Variants in PRLHR observed in about 807,000 individuals in gnomAD.
The protein encoded by PRLHR is prolactin-releasing peptide receptor.
PRLHR carries 10 observed loss-of-function variants against 9.3 expected under a neutral mutation model. That is an observed-to-expected ratio of 1.08 (90% CI 0.66 to 1.82). The LOEUF is 1.82. PRLHR is among the 40% of genes most tolerant of loss of function. PRLHR has a pLI of 0.00. For synonymous variants in PRLHR, 261 were observed against 249.3 expected (o/e 1.05, Z -0.44); for missense variants, 589 against 512.0 (o/e 1.15, Z -1.45).
chr10:118,594,287 A>G lies in PRLHR; in HGVS notation c.958T>C (p.Cys320Arg). The change falls in exon 2 of 2, where the codon TGC (cysteine) becomes CGC (arginine). Residue 320 changes from cysteine (C) to arginine (R), a missense_variant. By Grantham distance (180) the Cys-to-Arg change is radical. Coordinates refer to ENST00000239032, the MANE Select transcript of PRLHR (RefSeq NM_004248.3). ...PYAFGLVQLL[C>R]HWLAMSSACY... ...GCCGAACTCATGGCGAGCCAGTGGCAGAGCAGCTGCACCAGCCCAAAGGCG... is the reference window on the plus strand; with the variant it reads ...GCCGAACTCATGGCGAGCCAGTGGCGGAGCAGCTGCACCAGCCCAAAGGCG... 6.2e-7 allele frequency: 1 copy of G among 1,604,458 alleles called. No individual in the cohort carries two copies.
In PRLHR at chr10:118,594,045, T is replaced by C; in HGVS notation, c.*87A>G. Reference sequence around the variant, plus strand: ...ATGTTGGCTTAGCTAGCTCTGGTGCTGAGAATAAGCACCAGATTGACCTCG... The same window carrying C: ...ATGTTGGCTTAGCTAGCTCTGGTGCCGAGAATAAGCACCAGATTGACCTCG... On this transcript the variant is annotated 3_prime_UTR_variant, in exon 2 of 2. Transcript: ENST00000239032. 2.0e-6 allele frequency: 3 copies of C among 1,480,862 alleles called. No individual in the cohort carries two copies. The highest frequency in any genetic ancestry group is 1.5e-5 in the South Asian group (1 of 65,004). The allele number at this position is 1,480,862 out of a possible 1,614,324, so 91.7% of individuals were successfully genotyped here.
Position 118,595,037 on chromosome 10 carries a change from C to T in PRLHR, c.208G>A (p.Val70Met). ...TTGCCCACCAGCCCCACGACCACCA[C>T]GACGCTGTAGAGCAGCACGATCAGC... The part of the protein sequence containing the change: ...KGLIVLLYSV[V>M]VVVGLVGNCL... The change falls in exon 2 of 2, where the codon GTG (valine) becomes ATG (methionine). Residue 70 changes from valine to methionine, a missense_variant. Physicochemically the swap from Val to Met is conservative, Grantham distance 21. Coordinates refer to ENST00000239032, the MANE Select transcript of PRLHR (RefSeq NM_004248.3). 1.2e-6 allele frequency: 2 copies of T among 1,611,516 alleles called. No homozygotes were observed. Among genetic ancestry groups the T allele is most frequent in the Non-Finnish European group, 1.7e-6 (2 of 1,178,778 alleles).
At position 118,594,454 on chromosome 10, in the gene PRLHR, C is replaced by T; in HGVS notation, c.791G>A (p.Ser264Asn). The T allele has an allele frequency of 6.2e-7, 1 of 1,602,368 alleles. No homozygotes were observed. The highest frequency in any genetic ancestry group is 8.5e-7 in the Non-Finnish European group (1 of 1,179,248). The change falls in exon 2 of 2, where the codon AGC becomes AAC. Residue 264 changes from serine (S) to asparagine (N), a missense_variant. Coordinates refer to ENST00000239032, the MANE Select transcript of PRLHR (RefSeq NM_004248.3). ...NRVVPGCVTQ[S>N]QADWDRARRR... ...CCGAGCGCGGTCCCAGTCGGCCTGG[C>T]TCTGGGTCACGCAGCCCGGCACCAC...
At position 118,594,046 on chromosome 10, in the gene PRLHR, G is replaced by A; in HGVS notation, c.*86C>T. 6.7e-7 allele frequency: 1 copy of A among 1,482,832 alleles called. No individual in the cohort carries two copies. Among genetic ancestry groups the A allele is most frequent in the Non-Finnish European group, 9.0e-7 (1 of 1,115,830 alleles). 91.9% of individuals were successfully genotyped at this position (1,482,832 alleles called of 1,614,324 possible). A position where few individuals can be genotyped will look rare whatever the true frequency, so the allele number is the denominator to read the frequency against. On this transcript the variant is annotated 3_prime_UTR_variant, in exon 2 of 2. Coordinates refer to ENST00000239032, the MANE Select transcript of PRLHR (RefSeq NM_004248.3). Reference sequence around the variant, plus strand: ...TGTTGGCTTAGCTAGCTCTGGTGCTGAGAATAAGCACCAGATTGACCTCGA... The same window carrying A: ...TGTTGGCTTAGCTAGCTCTGGTGCTAAGAATAAGCACCAGATTGACCTCGA...
chr10:118,591,207 A>C lies in PRLHR; in HGVS notation c.*2925T>G, dbSNP rs911055899. ...GCAGCCCAGTGATCCTCCCAGGCTC[A>C]AGTGATCCTCCTGCCTTTGTGTCCC... On this transcript the variant is annotated 3_prime_UTR_variant, in exon 2 of 2. Transcript: ENST00000239032. 1 of 152,140 alleles carries C rather than the reference A, an allele frequency of 6.6e-6. No homozygotes were observed. Among genetic ancestry groups the C allele is most frequent in the Non-Finnish European group, 1.5e-5 (1 of 68,036 alleles). The allele number at this position is 152,140 out of a possible 1,614,324, so 9.4% of individuals were successfully genotyped here.
rs970825954 is a variant in PRLHR at position 118,591,100 on chromosome 10, GTTTTTGTTT to G, written c.*3023_*3031del. ...AATTTGTTTTTTGTTGTTTTTTGTT[GTTTTTGTTT>G]TTTTTGTTTTTTTGAGACTAGATTT... On this transcript the variant is annotated 3_prime_UTR_variant, in exon 2 of 2. Transcript: ENST00000239032. 15 of 146,834 alleles carry G rather than the reference GTTTTTGTTT, an allele frequency of 1.0e-4. No individual in the cohort carries two copies. The highest frequency in any genetic ancestry group is 9.1e-4 in the Admixed American group (13 of 14,240). 9.1% of individuals were successfully genotyped at this position (146,834 alleles called of 1,614,324 possible).
In PRLHR at chr10:118,590,217, C is replaced by T. The variant is rs1167055703; in HGVS notation, c.*3915G>A. 3 of 152,234 alleles carry T rather than the reference C, an allele frequency of 2.0e-5. No individual in the cohort carries two copies. Among genetic ancestry groups the T allele is most frequent in the Admixed American group, 6.5e-5 (1 of 15,280 alleles). 9.4% of individuals were successfully genotyped at this position (152,234 alleles called of 1,614,324 possible). On this transcript the variant is annotated 3_prime_UTR_variant, in exon 2 of 2. Coordinates refer to ENST00000239032, the MANE Select transcript of PRLHR (RefSeq NM_004248.3). ...GCCCTGTGTTCACTCCCAGATCTAGCCACACTCTTGAGGTTAGTTTTGTGC... is the reference window on the plus strand; with the variant it reads ...GCCCTGTGTTCACTCCCAGATCTAGTCACACTCTTGAGGTTAGTTTTGTGC...
Position 118,590,104 on chromosome 10 carries a change from G to C in PRLHR, c.*4028C>G, listed in dbSNP as rs1013450726. ...GCAACACATGCATTTTACACACATA[G>C]CAAAGACATCAACGCATGAAGGTAA... On this transcript the variant is annotated 3_prime_UTR_variant, in exon 2 of 2. Coordinates refer to ENST00000239032, the MANE Select transcript of PRLHR (RefSeq NM_004248.3). The C allele has an allele frequency of 6.6e-6, 1 of 152,212 alleles. No individual in the cohort carries two copies. Among genetic ancestry groups the C allele is most frequent in the African/African-American group, 2.4e-5 (1 of 41,446 alleles). 9.4% of individuals were successfully genotyped at this position (152,212 alleles called of 1,614,324 possible). A position where few individuals can be genotyped will look rare whatever the true frequency, so the allele number is the denominator to read the frequency against.
At position 118,592,130 on chromosome 10, in the gene PRLHR, C is replaced by CA. The variant is rs199661918; in HGVS notation, c.*2001dup. On this transcript the variant is annotated 3_prime_UTR_variant, in exon 2 of 2. Transcript: ENST00000239032. The stretch of plus-strand genomic sequence containing the variant: ...GGGAGGAGAGCCCAGACATCAATTA[C>CA]AAAAAGAAAAAAAAGTTCCCCAGGT... 0.027 allele frequency: 3,856 copies of CA among 141,404 alleles called. 41 individuals are homozygous for CA. The highest frequency in any genetic ancestry group is 0.031 in the Non-Finnish European group (2,008 of 64,518). 8.8% of individuals were successfully genotyped at this position (141,404 alleles called of 1,614,324 possible).
rs1844449305 is a variant in PRLHR, at chr10:118,593,341, C to T, written c.*791G>A. The T allele has an allele frequency of 6.6e-6, 1 of 152,248 alleles. No individual in the cohort carries two copies. Among genetic ancestry groups the T allele is most frequent in the Non-Finnish European group, 1.5e-5 (1 of 68,058 alleles). 9.4% of individuals were successfully genotyped at this position (152,248 alleles called of 1,614,324 possible). The stretch of plus-strand genomic sequence containing the variant: ...CCACACATACACACACATACACAAA[C>T]ACACATACACAGAGGATGTCTGTCC... On this transcript the variant is annotated 3_prime_UTR_variant, in exon 2 of 2. Coordinates refer to ENST00000239032, the MANE Select transcript of PRLHR (RefSeq NM_004248.3).
At position 118,590,618 on chromosome 10, in the gene PRLHR, G is replaced by A. The variant is rs902079548; in HGVS notation, c.*3514C>T. ...ACCAAGTTGGCTCAGTTCCCAGCCT[G>A]ACTGCCTGTATTACTCCTTGCAGGA... On this transcript the variant is annotated 3_prime_UTR_variant, in exon 2 of 2. Coordinates refer to ENST00000239032, the MANE Select transcript of PRLHR (RefSeq NM_004248.3). The A allele has an allele frequency of 2.6e-5, 4 of 152,224 alleles. No homozygotes were observed. Among genetic ancestry groups the A allele is most frequent in the African/African-American group, 9.7e-5 (4 of 41,442 alleles). The allele number at this position is 152,224 out of a possible 1,614,324, so 9.4% of individuals were successfully genotyped here.
In PRLHR at chr10:118,594,748, G is replaced by A. The variant is rs766506033; in HGVS notation, c.497C>T (p.Pro166Leu). Residue 166 changes from proline (P) to leucine (L), a missense_variant, in exon 2 of 2, where the codon CCG becomes CTG. Pro to Leu is a moderately conservative substitution (Grantham distance 98, BLOSUM62 -3). Coordinates refer to ENST00000239032, the MANE Select transcript of PRLHR (RefSeq NM_004248.3). Reference sequence around the variant, plus strand: ...GCGCAGCGAGATGCGCCGCCTCAGCGGGTGCACCAGCACGACGTAGCGGTC... The same window carrying A: ...GCGCAGCGAGATGCGCCGCCTCAGCAGGTGCACCAGCACGACGTAGCGGTC... ...AVDRYVVLVH[P>L]LRRRISLRLS... The A allele has an allele frequency of 6.8e-6, 11 of 1,608,214 alleles. No homozygotes were observed. Among genetic ancestry groups the A allele is most frequent in the African/African-American group, 1.3e-5 (1 of 75,026 alleles).
At position 118,594,988 on chromosome 10, in the gene PRLHR, G is replaced by A. The variant is rs775596574; in HGVS notation, c.257C>T (p.Ala86Val). The A allele has an allele frequency of 2.5e-6, 4 of 1,613,380 alleles. No homozygotes were observed. In the African/African-American group the frequency reaches 4.0e-5, roughly 16 times the overall value. Reference sequence around the variant, plus strand: ...CACGTTGTGCAGCCGGCGCACCCGCGCGATCACCAGCACCAGCAGGCAGTT... The same window carrying A: ...CACGTTGTGCAGCCGGCGCACCCGCACGATCACCAGCACCAGCAGGCAGTT... ...VGNCLLVLVI[A>V]RVRRLHNVTN... The change falls in exon 2 of 2, where the codon GCG (alanine) becomes GTG (valine). Residue 86 changes from alanine (A) to valine (V), a missense_variant. Coordinates refer to ENST00000239032, the MANE Select transcript of PRLHR (RefSeq NM_004248.3).
chr10:118,592,872 T>G lies in PRLHR; in HGVS notation c.*1260A>C, dbSNP rs904483074. On this transcript the variant is annotated 3_prime_UTR_variant, in exon 2 of 2. Coordinates refer to ENST00000239032, the MANE Select transcript of PRLHR (RefSeq NM_004248.3). ...AGGCTGATCTGACAGCTGGATATTA[T>G]GTATCATTTCCCAAGACTCCTGCCC... The G allele has an allele frequency of 7.2e-5, 11 of 152,226 alleles. No homozygotes were observed. Among genetic ancestry groups the G allele is most frequent in the African/African-American group, 2.7e-4 (11 of 41,456 alleles). 9.4% of individuals were successfully genotyped at this position (152,226 alleles called of 1,614,324 possible). A position where few individuals can be genotyped will look rare whatever the true frequency, so the allele number is the denominator to read the frequency against.
At chr10:118,595,291 A>G in intron 1 of PRLHR, 41 bp from the exon 2 acceptor site, 2 of 1,471,188 alleles carry the variant, frequency 1.4e-6, no homozygotes, top group Non-Finnish European at 1.8e-6. Flanking sequence ...CCCTTGCCAT[A>G]CTCCATCCGA....
Position 118,595,047 on chromosome 10 carries a change from G to C in PRLHR, c.198C>G (p.Leu66=), listed in dbSNP as rs12779509. ...GCCCCACGACCACCACGACGCTGTA[G>C]AGCAGCACGATCAGCCCCTTCAGCT... The part of the protein sequence containing the change: ...VHQLKGLIVL[L]YSVVVVVGLV... The change falls in exon 2 of 2, where the codon CTC becomes CTG. Residue 66 remains leucine (L), a synonymous_variant. Coordinates refer to ENST00000239032, the MANE Select transcript of PRLHR (RefSeq NM_004248.3). 3.7e-6 allele frequency: 6 copies of C among 1,609,264 alleles called. No individual in the cohort carries two copies. The highest frequency in any genetic ancestry group is 5.1e-6 in the Non-Finnish European group (6 of 1,177,164).
Position 118,594,601 on chromosome 10 carries a change from C to T in PRLHR, c.644G>A (p.Trp215Ter), listed in dbSNP as rs781454449. The T allele has an allele frequency of 1.9e-6, 3 of 1,569,208 alleles. No individual in the cohort carries two copies. The highest frequency in any genetic ancestry group is 4.7e-5 in the East Asian group (2 of 42,794). Residue 215 changes from tryptophan (W) to a stop codon, truncating the protein, a stop_gained, in exon 2 of 2, where the codon TGG (tryptophan) becomes TAG (stop). Transcript: ENST00000239032. LOFTEE classifies it low-confidence loss of function (END_TRUNC). ...CTGGCGCTGGCGCTCCTGGGAGCCC[C>T]AGAACTCCTCGCAGAGGCGCACGTC... ...PHDVRLCEEF[W>*]GSQERQRQLY...
rs1844455511 is a variant in PRLHR at position 118,594,018 on chromosome 10, C to T, written c.*114G>A. On this transcript the variant is annotated 3_prime_UTR_variant, in exon 2 of 2. Coordinates refer to ENST00000239032, the MANE Select transcript of PRLHR (RefSeq NM_004248.3). ...AGAGGGCTGGGCTGGAAATGTTGCC[C>T]TATGTTGGCTTAGCTAGCTCTGGTG... 7 of 1,424,060 alleles carry T rather than the reference C, an allele frequency of 4.9e-6. No homozygotes were observed. The highest frequency in any genetic ancestry group is 6.5e-6 in the Non-Finnish European group (7 of 1,082,690). The allele number at this position is 1,424,060 out of a possible 1,614,324, so 88.2% of individuals were successfully genotyped here.
At position 118,595,582 on chromosome 10, in the gene PRLHR, T is replaced by G; in HGVS notation, c.-73A>C. On this transcript the variant is annotated 5_prime_UTR_variant, in exon 1 of 2. Coordinates refer to ENST00000239032, the MANE Select transcript of PRLHR (RefSeq NM_004248.3). ...GAAGGGGCAGAATTTCTGCTGGCCC[T>G]CGGTAGTCCTCTGCCCACGTCGGTG... 1 of 213,660 alleles carries G rather than the reference T, an allele frequency of 4.7e-6. No homozygotes were observed. Among genetic ancestry groups the G allele is most frequent in the Non-Finnish European group, 9.3e-6 (1 of 107,968 alleles). 13.2% of individuals were successfully genotyped at this position (213,660 alleles called of 1,614,324 possible).
Sources: gnomAD v4.1 joint callset for allele counts on GRCh38, gnomAD v4.1.1 for gene constraint, MANE v1.5 for transcripts, NCBI Gene and HGNC (gene_info 2026-07-23, HGNC 2026-07-21) for gene names.